Variants in CDH13 observed in about 807,000 individuals in gnomAD.
CDH13 encodes cadherin 13.
In CDH13, 24 loss-of-function variants were observed where a neutral mutation model predicts 63.8. The observed-to-expected ratio is 0.38, with a 90% CI of 0.27 to 0.53. The LOEUF (loss-of-function observed/expected upper bound fraction) is 0.53, where lower values mean the gene tolerates loss of function less well. Ranked by LOEUF, CDH13 falls within the 20% of genes least tolerant of loss-of-function variation. The pLI, the probability that CDH13 is intolerant of heterozygous loss-of-function variation, is 0.85. For synonymous variants in CDH13, 503 were observed against 355.3 expected (o/e 1.42, Z -4.67); for missense variants, 1,049 against 903.1 (o/e 1.16, Z -2.07).
rs993109274 is a variant in CDH13, at chr16:83,488,684, G to C, written c.960+2029G>C. On this transcript the variant is annotated intron_variant, in intron 7 of 13. Coordinates refer to ENST00000567109, the MANE Select transcript of CDH13 (RefSeq NM_001257.5). ...CTGTCACCCAGGTTGGAGTGCAGTG[G>C]CACGATCTCAGCTCACTGCAACCTC... Among the ~76,000 whole-genome samples, 5 of 151,866 alleles carry C rather than the reference G, an allele frequency of 3.3e-5. No homozygotes were observed. In the South Asian group the frequency reaches 1.0e-3, roughly 32 times the overall value.
intron 2 of CDH13, among the ~76,000 whole-genome samples, chr16:82,961,046 C>T (rs932566936): frequency 6.6e-6 from 1 of 152,164 alleles, no homozygotes; most frequent in Non-Finnish European, 1.5e-5. Flanking sequence ...AGCAGATGCT[C>T]CGTTTTTATG....
chr16:83,629,137 A>G (rs1016189565), intron 8 of CDH13, among the ~76,000 whole-genome samples: 2 of 152,206 alleles, frequency 1.3e-5, no homozygotes, highest in African/African-American at 4.8e-5. Flanking sequence ...TTAATCTGTA[A>G]TTGTTCTTAT....
intron 6 of CDH13, among the ~76,000 whole-genome samples, chr16:83,380,194 GCTT>G (rs1326091241): frequency 2.6e-5 from 4 of 151,688 alleles, no homozygotes; most frequent in Non-Finnish European, 5.9e-5. Flanking sequence ...AAGATCTTAA[GCTT>G]TATCTGTAAT....
At chr16:82,775,152 G>A (rs1271837563) in intron 1 of CDH13, among the ~76,000 whole-genome samples, 1 of 152,114 alleles carries the variant, frequency 6.6e-6, no homozygotes, top group Non-Finnish European at 1.5e-5. Context: ...TGTGAAATGA[G>A]GATGACAGCT....
chr16:83,063,106 C>T (rs1302944897), intron 3 of CDH13, among the ~76,000 whole-genome samples: 1 of 152,052 alleles, frequency 6.6e-6, no homozygotes, highest in Admixed American at 6.5e-5. Flanking sequence ...AGACTACAGG[C>T]ACGTGCCAGC....
chr16:82,801,299 C>T (rs989217099), intron 1 of CDH13, among the ~76,000 whole-genome samples: 5 of 152,186 alleles, frequency 3.3e-5, no homozygotes, highest in Admixed American at 1.3e-4. Context: ...GGTGATTCCA[C>T]GAATCATTGT....
rs575114311 is a variant in CDH13, at chr16:82,633,443, G to A, written c.45+6306G>A. Among the ~76,000 whole-genome samples, 7 of 152,292 alleles carry A rather than the reference G, an allele frequency of 4.6e-5. No individual in the cohort carries two copies. In the South Asian group the frequency reaches 1.2e-3, roughly 27 times the overall value. On this transcript the variant is annotated intron_variant, in intron 1 of 13. Transcript: ENST00000567109. Reference sequence around the variant, plus strand: ...CACCCAAGCCGGAGTGCGGTGGCGCGATGTCGGCTCACTGCAACCTCCACC... The same window carrying A: ...CACCCAAGCCGGAGTGCGGTGGCGCAATGTCGGCTCACTGCAACCTCCACC...
rs1349434310 is a variant in CDH13, at chr16:83,627,559, T to A, written c.1101+24965T>A. 2.0e-5 allele frequency among the ~76,000 whole-genome samples: 3 copies of A among 152,186 alleles called. No individual in the cohort carries two copies. The East Asian group carries it at 5.8e-4, about 29-fold the overall frequency. On this transcript the variant is annotated intron_variant, in intron 8 of 13. Transcript: ENST00000567109. Reference sequence around the variant, plus strand: ...ATAGTTTATTTTGTTTTTCATTTTGTTTTGTTTTTTAGACAGGGTCTCACT... The same window carrying A: ...ATAGTTTATTTTGTTTTTCATTTTGATTTGTTTTTTAGACAGGGTCTCACT...
At chr16:83,262,664 A>G (rs1907133022) in intron 5 of CDH13, among the ~76,000 whole-genome samples, 2 of 152,206 alleles carry the variant, frequency 1.3e-5, no homozygotes, top group Admixed American at 1.3e-4. Context: ...ACATATAAAG[A>G]AATATGAAAA....
intron 4 of CDH13, chr16:83,180,775 A>G (rs1221257384): frequency 1.2e-6 from 1 of 856,398 alleles, no homozygotes; most frequent in Non-Finnish European, 1.8e-6. Context: ...AGACAAACAA[A>G]CAAAGGCTGC....
chr16:83,202,420 G>T (rs142385861), intron 4 of CDH13, among the ~76,000 whole-genome samples: 2 of 152,210 alleles, frequency 1.3e-5, no homozygotes, highest in African/African-American at 4.8e-5. Flanking sequence ...GGGGTGGGGG[G>T]CCCTGGAAAG....
At chr16:82,810,044 G>A (rs754921795) in intron 1 of CDH13, among the ~76,000 whole-genome samples, 4 of 152,186 alleles carry the variant, frequency 2.6e-5, no homozygotes, top group Admixed American at 6.5e-5. Context: ...GCCTTAGCAC[G>A]CTCTCATGTT....
chr16:83,770,399 C>T (rs190445036), intron 11 of CDH13, among the ~76,000 whole-genome samples: 6 of 152,246 alleles, frequency 3.9e-5, no homozygotes, highest in Admixed American at 1.3e-4. Context: ...GATGGGGATG[C>T]CCTGCCAGGG....
intron 1 of CDH13, among the ~76,000 whole-genome samples, chr16:82,767,253 C>T (rs946721355): frequency 5.9e-5 from 9 of 152,164 alleles, no homozygotes; most frequent in African/African-American, 2.2e-4. Context: ...TGCCAAAATG[C>T]AGAATTACTG....
At chr16:82,840,684 C>CAAAAAAAA (rs753429857) in intron 1 of CDH13, among the ~76,000 whole-genome samples, 1 of 86,744 alleles carries the variant, frequency 1.2e-5, no homozygotes, top group Non-Finnish European at 2.2e-5. Flanking sequence ...GAATCCATCT[C>CAAAAAAAA]AAAAAAAAAA....
chr16:82,627,261 C>A (rs1420940039), intron 1 of CDH13, 124 bp downstream of exon 1: 2 of 798,416 alleles, frequency 2.5e-6, no homozygotes, highest in Non-Finnish European at 4.3e-6. Context: ...GAAGACAGAT[C>A]GGGGCTCGGT....
chr16:83,208,436 A>G (rs1278338424), intron 4 of CDH13, among the ~76,000 whole-genome samples: 1 of 152,042 alleles, frequency 6.6e-6, no homozygotes, highest in African/African-American at 2.4e-5. Context: ...TAAAACACAA[A>G]TGCCTCTGAA....
chr16:83,279,827 G>A (rs1051379704), intron 5 of CDH13, among the ~76,000 whole-genome samples: 6 of 143,456 alleles, frequency 4.2e-5, no homozygotes, highest in African/African-American at 1.6e-4. Context: ...ATATCACAAT[G>A]AAGTGAGTCA....
intron 2 of CDH13, among the ~76,000 whole-genome samples, chr16:83,014,753 T>A (rs1221248039): frequency 0.082 from 3,387 of 41,138 alleles, 83 homozygotes; most frequent in East Asian, 0.13. Flanking sequence ...AATATATATA[T>A]ATATATATAT....
Sources: gnomAD v4.1 joint callset for allele counts (sites outside exome capture counted in the v4.1 genomes callset) on GRCh38, gnomAD v4.1.1 for gene constraint, MANE v1.5 for transcripts, NCBI Gene and HGNC (gene_info 2026-07-23, HGNC 2026-07-21) for gene names.